The following VEGFC variants were observed in gnomAD, a reference collection of about 807,000 sequenced individuals.
VEGFC encodes the protein FLT4 ligand DHM.
VEGFC carries 12 observed loss-of-function variants against 46.1 expected under a neutral mutation model. That is an observed-to-expected ratio of 0.26 (90% confidence interval 0.17 to 0.42). The LOEUF (loss-of-function observed/expected upper bound fraction) is 0.42, where lower values mean the gene tolerates loss of function less well. Among genes scored for constraint, VEGFC ranks in the 10% least tolerant of loss-of-function variants. The pLI is 1.00. For synonymous variants in VEGFC, 232 were observed against 195.5 expected, an observed-to-expected ratio of 1.19 and a Z score of -1.56; for missense variants, 488 against 529.4, an observed-to-expected ratio of 0.92 and a Z score of 0.77.
Position 176,792,247 on chromosome 4 carries a change from G to A in VEGFC, c.65C>T (p.Pro22Leu). Residue 22 changes from proline to leucine, a missense_variant, in exon 1 of 7, where the codon CCT (proline) becomes CTT (leucine). Physicochemically the swap from Pro to Leu is moderately conservative, Grantham distance 98. Coordinates refer to ENST00000618562, the MANE Select transcript of VEGFC (RefSeq NM_005429.5). This position sits in a 1 kb window ranked among gnomAD's most constrained non-coding sequence, Gnocchi z 6.3. ...GGCGGCGGCGGCGGGCGCCTCGCGA[G>A]GACCCGGGAGCAGCGCAGCGGCGAG... ...SLLAAALLPG[P>L]REAPAAAAAF... 2.6e-6 allele frequency: 4 copies of A among 1,556,480 alleles called. No individual in the cohort carries two copies. The highest frequency in any genetic ancestry group is 1.9e-5 in the Admixed American group (1 of 51,572).
chr4:176,737,344 GAATA>G (rs1579114181), intron 1 of VEGFC, among the ~76,000 whole-genome samples: 1 of 146,016 alleles, frequency 6.8e-6, no homozygotes, highest in Admixed American at 6.9e-5. Context: ...TATAAATACA[GAATA>G]AATATTATAA....
At chr4:176,703,498 A>C (rs1464158326) in intron 4 of VEGFC, among the ~76,000 whole-genome samples, 2 of 152,074 alleles carry the variant, frequency 1.3e-5, no homozygotes, top group African/African-American at 4.8e-5. Context: ...GGGGGGAATG[A>C]AGAGAGGTTG....
At chr4:176,708,771 C>A (rs1734576398) in intron 4 of VEGFC, among the ~76,000 whole-genome samples, 2 of 152,056 alleles carry the variant, frequency 1.3e-5, no homozygotes. Context: ...TTTAAAAATA[C>A]TGAAAAACAC....
At chr4:176,711,468 T>A (rs1734617946) in intron 4 of VEGFC, 31 bp downstream of exon 4, 1 of 1,580,180 alleles carries the variant, frequency 6.3e-7, no homozygotes, top group East Asian at 2.3e-5. Context: ...TAGTAGAGGA[T>A]GCAGAAAAAA....
chr4:176,733,516 T>C (rs556454565), intron 1 of VEGFC, among the ~76,000 whole-genome samples: 2 of 152,044 alleles, frequency 1.3e-5, no homozygotes, highest in African/African-American at 4.8e-5. Context: ...AAATGCTACA[T>C]GATGTGTGAT....
chr4:176,716,562 A>G (rs1270515382), intron 3 of VEGFC, among the ~76,000 whole-genome samples: 2 of 148,254 alleles, frequency 1.3e-5, no homozygotes, highest in Non-Finnish European at 3.0e-5. Context: ...CAGCCTGGCC[A>G]ACAGAGGTGG....
intron 2 of VEGFC, among the ~76,000 whole-genome samples, chr4:176,728,345 G>A (rs1170646395): frequency 6.6e-6 from 1 of 152,018 alleles, no homozygotes. Context: ...TATAGTATGG[G>A]CCATTTTTGT....
chr4:176,759,137 C>T (rs1464388223), intron 1 of VEGFC, among the ~76,000 whole-genome samples: 3 of 152,246 alleles, frequency 2.0e-5, no homozygotes, highest in Admixed American at 1.3e-4. Context: ...AACTTTGGAA[C>T]TGTCAGGATA....
At chr4:176,754,183 G>A (rs1053330435) in intron 1 of VEGFC, among the ~76,000 whole-genome samples, 30 of 151,460 alleles carry the variant, frequency 2.0e-4, no homozygotes, top group Non-Finnish European at 3.5e-4. Context: ...AGTGACATAC[G>A]GACAGTGGAA....
chr4:176,758,976 C>T (rs539370661), intron 1 of VEGFC, among the ~76,000 whole-genome samples: 4 of 152,086 alleles, frequency 2.6e-5, no homozygotes, highest in South Asian at 2.1e-4. Context: ...ATAGCAGCCA[C>T]GATTACTCAT....
chr4:176,754,901 A>G (rs1485103249), intron 1 of VEGFC, among the ~76,000 whole-genome samples: 1 of 152,124 alleles, frequency 6.6e-6, no homozygotes, highest in African/African-American at 2.4e-5. Context: ...ACTGTTATAT[A>G]TTACATAAAA....
Position 176,692,885 on chromosome 4 carries a change from A to C in VEGFC, c.705-4958T>G, listed in dbSNP as rs529239079. 2.9e-4 allele frequency among the ~76,000 whole-genome samples: 42 copies of C among 146,956 alleles called. No homozygotes were observed. In the South Asian group the frequency reaches 3.2e-3, roughly 11 times the overall value. On this transcript the variant is annotated intron_variant, in intron 4 of 6. Coordinates refer to ENST00000618562, the MANE Select transcript of VEGFC (RefSeq NM_005429.5). ...GGGGCACACTGACACCTCACACAGCAGGGTATTCCAACAGACCTGCAGCTG... is the reference window on the plus strand; with the variant it reads ...GGGGCACACTGACACCTCACACAGCCGGGTATTCCAACAGACCTGCAGCTG...
chr4:176,760,971 G>T (rs1163166140), intron 1 of VEGFC, among the ~76,000 whole-genome samples: 1 of 152,176 alleles, frequency 6.6e-6, no homozygotes, highest in East Asian at 1.9e-4. Context: ...TTATGATACT[G>T]CAAGTCTGGC....
At chr4:176,787,833 TC>T (rs1736029116) in intron 1 of VEGFC, among the ~76,000 whole-genome samples, 1 of 152,200 alleles carries the variant, frequency 6.6e-6, no homozygotes, top group Non-Finnish European at 1.5e-5. Context: ...CTCAAACTCA[TC>T]AGCATCTCTC....
chr4:176,741,101 A>C (rs1347120095), intron 1 of VEGFC, among the ~76,000 whole-genome samples: 21 of 151,928 alleles, frequency 1.4e-4, no homozygotes, highest in Admixed American at 1.4e-3. Context: ...TGCCACATGG[A>C]AGAGTCCAGG....
At chr4:176,734,087 G>A (rs1447651516) in intron 1 of VEGFC, among the ~76,000 whole-genome samples, 1 of 151,704 alleles carries the variant, frequency 6.6e-6, no homozygotes, top group Admixed American at 6.6e-5. Flanking sequence ...GTAATCTGTG[G>A]TCTTATTTGT....
chr4:176,765,312 A>G (rs1001001328), intron 1 of VEGFC, among the ~76,000 whole-genome samples: 4 of 152,062 alleles, frequency 2.6e-5, no homozygotes, highest in Non-Finnish European at 4.4e-5. Flanking sequence ...ATGATTGGAA[A>G]AGTGACATAG....
At chr4:176,739,171 T>G (rs146936733) in intron 1 of VEGFC, among the ~76,000 whole-genome samples, 1 of 152,010 alleles carries the variant, frequency 6.6e-6, no homozygotes, top group East Asian at 2.0e-4. Flanking sequence ...CTGGTGGTGT[T>G]GTGGAGAAAA....
At chr4:176,695,828 T>C (rs1217319754) in intron 4 of VEGFC, among the ~76,000 whole-genome samples, 4 of 151,986 alleles carry the variant, frequency 2.6e-5, no homozygotes, top group Admixed American at 2.6e-4. Flanking sequence ...GTTCAATATA[T>C]GCAAATCAAT....
Sources: allele counts gnomAD v4.1 joint callset (sites outside exome capture counted in the v4.1 genomes callset), GRCh38; gene constraint gnomAD v4.1.1; non-coding constraint Gnocchi (gnomAD v3.1); transcripts MANE v1.5; gene names NCBI Gene and HGNC (gene_info 2026-07-23, HGNC 2026-07-21).